The following ZFAND4 variants were observed in gnomAD, a reference collection of about 807,000 sequenced individuals.
The protein encoded by ZFAND4 is zinc finger AN1-type containing 4.
A neutral mutation model predicts 64.4 loss-of-function variants in ZFAND4; 43 were observed. That is an observed-to-expected ratio of 0.67 (90% confidence interval 0.52 to 0.86). The LOEUF (loss-of-function observed/expected upper bound fraction) is 0.86, where lower values mean the gene tolerates loss of function less well. ZFAND4 is among the 40% of genes least tolerant of loss of function. The probability of loss-of-function intolerance (pLI) is 0.00; values close to 1 mark genes in which losing one functional copy is unlikely to be tolerated. For synonymous variants in ZFAND4, 296 were observed against 305.7 expected, an observed-to-expected ratio of 0.97 and a Z score of 0.33; for missense variants, 929 against 859.8, an observed-to-expected ratio of 1.08 and a Z score of -1.01.
intron 5 of ZFAND4, among the ~76,000 whole-genome samples, chr10:45,647,524 CT>C (rs2047470994): frequency 6.6e-6 from 1 of 151,764 alleles, no homozygotes; most frequent in African/African-American, 2.4e-5. Context: ...CTCCACTCCC[CT>C]TTTAGGGTCA....
In ZFAND4 at chr10:45,647,424, GT is replaced by G. The variant is rs58918686; in HGVS notation, c.569+869del. Among the ~76,000 whole-genome samples, 750 of 126,982 alleles carry G rather than the reference GT, an allele frequency of 5.9e-3. 5 individuals carry two copies. The highest frequency in any genetic ancestry group is 0.022 in the Admixed American group (278 of 12,642). 83.3% of individuals were successfully genotyped at this position (126,982 alleles called of 152,430 possible). On this transcript the variant is annotated intron_variant, in intron 5 of 9. Transcript: ENST00000344646. ...GAAACTGTTCTCCAAACTACAAGCT[GT>G]TTTTTTTTTTTTTTTTTAATGATTT...
rs1410494967 is a variant in ZFAND4, at chr10:45,626,937, T to C, written c.886A>G (p.Ile296Val). The C allele has an allele frequency of 1.2e-6, 2 of 1,614,096 alleles. No individual in the cohort carries two copies. The highest frequency in any genetic ancestry group is 1.7e-6 in the Non-Finnish European group (2 of 1,180,034). The change falls in exon 7 of 10, where the codon ATT becomes GTT. Residue 296 changes from isoleucine (I) to valine (V), a missense_variant. Transcript: ENST00000344646. ...GAGAGTTGAGTTGCCAAACTTGAAA[T>C]TCCATTCCTGGAGATTTCGGGCGGA... ...AYPPEISRNG[I>V]SSLATQLSAE...
chr10:45,640,448 C>T, intron 5 of ZFAND4: 1 of 1,114,474 alleles, frequency 9.0e-7, no homozygotes, highest in Non-Finnish European at 1.2e-6. Flanking sequence ...AAAAAGAATT[C>T]ATACACAGGT....
intron 1 of ZFAND4, among the ~76,000 whole-genome samples, chr10:45,671,735 G>A (rs777113392): frequency 6.6e-6 from 1 of 151,716 alleles, no homozygotes; most frequent in Non-Finnish European, 1.5e-5. Flanking sequence ...CAATATAAAT[G>A]ACGAGTTAGT....
At chr10:45,667,615 C>T (rs1268415523) in intron 1 of ZFAND4, among the ~76,000 whole-genome samples, 1 of 151,854 alleles carries the variant, frequency 6.6e-6, no homozygotes, top group Non-Finnish European at 1.5e-5. Context: ...ATTACAGGCA[C>T]CTGCCACCAC....
At position 45,672,584 on chromosome 10, in the gene ZFAND4, C is replaced by G. The variant is rs2049275026; in HGVS notation, c.-452G>C. 6.6e-6 allele frequency: 1 copy of G among 151,936 alleles called. No homozygotes were observed. Among genetic ancestry groups the G allele is most frequent in the Admixed American group, 6.6e-5 (1 of 15,230 alleles). 9.4% of individuals were successfully genotyped at this position (151,936 alleles called of 1,614,324 possible). A position where few individuals can be genotyped will look rare whatever the true frequency, so the allele number is the denominator to read the frequency against. On this transcript the variant is annotated 5_prime_UTR_variant, in exon 1 of 10. Transcript: ENST00000344646. ...GCGCCACTCCGGCCTTGCGCCATTC[C>G]GGCCCCACGACGGCCGGCGGCGGCA...
rs377462466 is a variant in ZFAND4 at position 45,631,663 on chromosome 10, A to C, written c.718-4558T>G. On this transcript the variant is annotated intron_variant, in intron 6 of 9. Transcript: ENST00000344646. ...AGACAAACTCAAGGGAAAAGATGTG[A>C]ACCAAACATTTTATATCCAGGCAAG... is the stretch of plus-strand genomic sequence containing the variant. Among the ~76,000 whole-genome samples the C allele has an allele frequency of 6.6e-5, 10 of 152,308 alleles. 1 individual carries two copies. In the East Asian group the frequency reaches 1.5e-3, roughly 23 times the overall value.
intron 2 of ZFAND4, among the ~76,000 whole-genome samples, chr10:45,657,550 A>G (rs1009809357): frequency 2.0e-5 from 3 of 152,214 alleles, no homozygotes; most frequent in African/African-American, 7.2e-5. Flanking sequence ...AAAGTTAACT[A>G]TATACTTCCT....
chr10:45,671,654 G>A (rs529237758), intron 1 of ZFAND4, among the ~76,000 whole-genome samples: 1 of 152,230 alleles, frequency 6.6e-6, no homozygotes, highest in African/African-American at 2.4e-5. Context: ...GACACAGGGA[G>A]GGGAACATCA....
chr10:45,662,051 T>G (rs1327259310), intron 2 of ZFAND4, among the ~76,000 whole-genome samples: 1 of 152,150 alleles, frequency 6.6e-6, no homozygotes, highest in Non-Finnish European at 1.5e-5. Context: ...TACCCTGATA[T>G]TCAGCCTTCA....
At position 45,616,490 on chromosome 10, in the gene ZFAND4, TC is replaced by T. The variant is rs775851134; in HGVS notation, c.2129del (p.Arg710AsnfsTer41). 2 of 1,614,158 alleles carry T rather than the reference TC, an allele frequency of 1.2e-6. No individual in the cohort carries two copies. The highest frequency in any genetic ancestry group is 3.3e-5 in the Admixed American group (2 of 60,014). On this transcript the variant is annotated frameshift_variant, in exon 10 of 10. Transcript: ENST00000344646. LOFTEE classifies it high-confidence loss of function. ...CTYDYKSAGR[R>X]YLHEANPVVN... ...CCACAGGATTTGCCTCGTGCAAGTA[TC>T]TCCTCCCTGCACTCTTGTAATCATA...
intron 2 of ZFAND4, among the ~76,000 whole-genome samples, chr10:45,655,115 T>G (rs191610475): frequency 7.1e-4 from 107 of 151,654 alleles, no homozygotes; most frequent in Non-Finnish European, 1.2e-3. Flanking sequence ...CAAAAAAGTC[T>G]CAAAAATTTT....
At chr10:45,635,247 A>C (rs1384855921) in intron 6 of ZFAND4, among the ~76,000 whole-genome samples, 1 of 150,786 alleles carries the variant, frequency 6.6e-6, no homozygotes, top group African/African-American at 2.4e-5. Flanking sequence ...AACTGGAAGA[A>C]TCACAATTAT....
chr10:45,626,910 CAG>C lies in ZFAND4; in HGVS notation c.911_912del (p.Ser304CysfsTer2). ...NGISSLATQLSAERYISSITG... is the reference protein window; with the variant it reads ...NGISSLATQLXAERYISSITG... ...GTGATAGAAGATATGTATCTCTCAG[CAG>C]AGAGTTGAGTTGCCAAACTTGAAAT... On this transcript the variant is annotated frameshift_variant, in exon 7 of 10. Coordinates refer to ENST00000344646, the MANE Select transcript of ZFAND4 (RefSeq NM_174890.4). LOFTEE classifies it high-confidence loss of function. 1 of 1,614,216 alleles carries C rather than the reference CAG, an allele frequency of 6.2e-7. No individual in the cohort carries two copies. Among genetic ancestry groups the C allele is most frequent in the Non-Finnish European group, 8.5e-7 (1 of 1,180,036 alleles).
intron 3 of ZFAND4, 55 bp downstream of exon 3, chr10:45,652,929 T>A: frequency 1.5e-6 from 2 of 1,323,610 alleles, no homozygotes; most frequent in Non-Finnish European, 2.2e-6. Flanking sequence ...AACATTAGCA[T>A]ATGGAGTCAT....
chr10:45,645,126 T>C (rs2047290178), intron 5 of ZFAND4, among the ~76,000 whole-genome samples: 1 of 151,972 alleles, frequency 6.6e-6, no homozygotes, highest in Admixed American at 6.6e-5. Context: ...GGACTACAGG[T>C]GTGCACCACC....
chr10:45,652,159 T>C (rs2133792672), intron 3 of ZFAND4, 126 bp from the exon 4 acceptor site: 2 of 778,042 alleles, frequency 2.6e-6, no homozygotes, highest in South Asian at 1.5e-5. Flanking sequence ...GATATAGCAA[T>C]GTAAATACAT....
intron 4 of ZFAND4, among the ~76,000 whole-genome samples, chr10:45,648,750 T>C (rs1240987511): frequency 6.6e-6 from 1 of 152,182 alleles, no homozygotes; most frequent in Non-Finnish European, 1.5e-5. Context: ...CATGATTATG[T>C]TGCTATATTC....
chr10:45,645,300 C>A (rs2047303735), intron 5 of ZFAND4, among the ~76,000 whole-genome samples: 2 of 152,144 alleles, frequency 1.3e-5, no homozygotes, highest in Admixed American at 6.6e-5. Flanking sequence ...TACAGTTATT[C>A]ATTGTATTAT....
Sources: gnomAD v4.1 joint callset for allele counts (sites outside exome capture counted in the v4.1 genomes callset) on GRCh38, gnomAD v4.1.1 for gene constraint, MANE v1.5 for transcripts, NCBI Gene and HGNC (gene_info 2026-07-23, HGNC 2026-07-21) for gene names.